Variants in CTNNA3 observed in about 807,000 individuals in gnomAD.
CTNNA3 encodes the protein catenin alpha-3.
Under a neutral mutation model 95.7 loss-of-function variants are expected in CTNNA3, and 76 were observed. The ratio of observed to expected loss-of-function variants is 0.79; its 90% CI spans 0.66 to 0.96. The LOEUF (loss-of-function observed/expected upper bound fraction) is 0.96, where lower values mean the gene tolerates loss of function less well. Ranked by LOEUF, CTNNA3 falls within the 40% of genes least tolerant of loss-of-function variation. The pLI, the probability that CTNNA3 is intolerant of heterozygous loss-of-function variation, is 0.00. For synonymous variants in CTNNA3, 431 were observed against 374.4 expected, an observed-to-expected ratio of 1.15 and a Z score of -1.74; for missense variants, 1,191 against 1,089.8, an observed-to-expected ratio of 1.09 and a Z score of -1.31.
At chr10:66,170,729 A>C (rs993910594) in intron 13 of CTNNA3, among the ~76,000 whole-genome samples, 27 of 55,620 alleles carry the variant, frequency 4.9e-4, no homozygotes, top group South Asian at 2.0e-3. Flanking sequence ...TGTTTACCCA[A>C]AAAAAAAAAA....
chr10:66,255,991 C>T (rs947325151), intron 13 of CTNNA3, among the ~76,000 whole-genome samples: 4 of 152,114 alleles, frequency 2.6e-5, no homozygotes, highest in Non-Finnish European at 2.9e-5. Context: ...AACTCATGCT[C>T]GTAATCCTAA....
chr10:66,277,808 T>G (rs968760068), intron 13 of CTNNA3, among the ~76,000 whole-genome samples: 2 of 151,918 alleles, frequency 1.3e-5, no homozygotes, highest in African/African-American at 4.8e-5. Flanking sequence ...GACCATAAAG[T>G]GTACTTAAAG....
intron 7 of CTNNA3, among the ~76,000 whole-genome samples, chr10:66,782,429 A>C (rs746918909): frequency 1.3e-4 from 20 of 152,100 alleles, no homozygotes; most frequent in Middle Eastern, 3.3e-3. Context: ...CTTAATTCAT[A>C]ATCTGAGACT....
At chr10:67,441,055 A>G (rs1266996309) in intron 5 of CTNNA3, among the ~76,000 whole-genome samples, 1 of 152,156 alleles carries the variant, frequency 6.6e-6, no homozygotes, top group Non-Finnish European at 1.5e-5. Context: ...ATTCAAGATA[A>G]CATGGAGAAG....
At chr10:67,617,210 A>G (rs916664962) in intron 2 of CTNNA3, among the ~76,000 whole-genome samples, 3 of 152,170 alleles carry the variant, frequency 2.0e-5, no homozygotes, top group Non-Finnish European at 2.9e-5. Context: ...TTCATCACCC[A>G]GGTATGAAGC....
intron 12 of CTNNA3, among the ~76,000 whole-genome samples, chr10:66,334,001 T>G (rs1463877119): frequency 2.0e-5 from 3 of 152,114 alleles, no homozygotes; most frequent in Admixed American, 6.5e-5. Flanking sequence ...CTTTATCTCT[T>G]TTGATCTTTG....
chr10:66,458,009 T>C (rs1203911193), intron 11 of CTNNA3, among the ~76,000 whole-genome samples: 1 of 152,142 alleles, frequency 6.6e-6, no homozygotes, highest in East Asian at 1.9e-4. Context: ...TCAGAGCATT[T>C]TACCAAAACT....
At chr10:66,094,550 C>G (rs969383063) in intron 14 of CTNNA3, among the ~76,000 whole-genome samples, 1 of 151,980 alleles carries the variant, frequency 6.6e-6, no homozygotes, top group Non-Finnish European at 1.5e-5. Flanking sequence ...AAGGAGGGAC[C>G]AAGATGGCAT....
Position 66,189,617 on chromosome 10 carries a change from T to TATATATATATAC in CTNNA3, c.1885-86369_1885-86368insGTATATATATAT, listed in dbSNP as rs151078010. On this transcript the variant is annotated intron_variant, in intron 13 of 17. Coordinates refer to ENST00000433211, the MANE Select transcript of CTNNA3 (RefSeq NM_013266.4). ...CTATAGATTTATATATATATATATATACACACATACACACACATATACATA... is the reference window on the plus strand; with the variant it reads ...CTATAGATTTATATATATATATATATATATATATATACACACACATACACACACATATACATA... Among the ~76,000 whole-genome samples, 455 of 140,356 alleles carry TATATATATATAC rather than the reference T, an allele frequency of 3.2e-3. 14 individuals are homozygous for TATATATATATAC. In the East Asian group the frequency reaches 0.042, roughly 13 times the overall value. 92.1% of individuals were successfully genotyped at this position (140,356 alleles called of 152,430 possible). A position where few individuals can be genotyped will look rare whatever the true frequency, so the allele number is the denominator to read the frequency against.
At chr10:67,379,970 G>A (rs183474295) in intron 5 of CTNNA3, among the ~76,000 whole-genome samples, 254 of 138,726 alleles carry the variant, frequency 1.8e-3, no homozygotes, top group South Asian at 0.014. Context: ...GCAGTGAGCC[G>A]AGATCCCGCC....
chr10:66,012,104 T>G (rs551458686), intron 15 of CTNNA3, among the ~76,000 whole-genome samples: 13 of 152,304 alleles, frequency 8.5e-5, no homozygotes, highest in African/African-American at 2.9e-4. Context: ...TTCATTAAAT[T>G]TATTTATAGT....
chr10:66,103,219 G>A lies in CTNNA3; in HGVS notation c.1915C>T (p.Leu639Phe). ...CTGCGGACCTCGTGTTCCTCTTCAA[G>A]GTCAGAAACATCCTCCAGTTCCTCT... ...TPEELEDVSD[L>F]EEEHEVRSHT... Residue 639 changes from leucine (L) to phenylalanine (F), a missense_variant, in exon 14 of 18, where the codon CTT becomes TTT. By Grantham distance (22) the Leu-to-Phe change is conservative. Transcript: ENST00000433211. The A allele has an allele frequency of 3.1e-6, 5 of 1,614,064 alleles. No individual in the cohort carries two copies. Among genetic ancestry groups the A allele is most frequent in the South Asian group, 1.1e-5 (1 of 91,078 alleles).
At chr10:67,129,834 G>A (rs1382227169) in intron 7 of CTNNA3, among the ~76,000 whole-genome samples, 1 of 152,060 alleles carries the variant, frequency 6.6e-6, no homozygotes, top group Non-Finnish European at 1.5e-5. Context: ...GTCAATCACT[G>A]TGCTACTGAA....
At chr10:66,851,374 C>A (rs963993421) in intron 7 of CTNNA3, among the ~76,000 whole-genome samples, 2 of 152,044 alleles carry the variant, frequency 1.3e-5, no homozygotes, top group Non-Finnish European at 2.9e-5. Flanking sequence ...GACTCACAAA[C>A]CTGAAAAACG....
intron 4 of CTNNA3, among the ~76,000 whole-genome samples, chr10:67,529,527 G>C (rs1209725969): frequency 6.6e-6 from 1 of 150,478 alleles, no homozygotes; most frequent in South Asian, 2.1e-4. Context: ...AGCTTTAGGA[G>C]ATATACCTAA....
intron 7 of CTNNA3, among the ~76,000 whole-genome samples, chr10:66,967,829 C>T (rs147345928): frequency 2.0e-5 from 3 of 151,892 alleles, no homozygotes; most frequent in Non-Finnish European, 4.4e-5. Context: ...TATATCCCCT[C>T]GAAAGGTTCA....
At chr10:66,386,955 T>C (rs181867587) in intron 11 of CTNNA3, among the ~76,000 whole-genome samples, 318 of 152,264 alleles carry the variant, frequency 2.1e-3, no homozygotes, top group African/African-American at 7.3e-3. Flanking sequence ...TCAAGATGGA[T>C]TAAAGACTTA....
rs1186099205 is a variant in CTNNA3 at position 66,520,828 on chromosome 10, G to T, written c.1375-55C>A. On this transcript the variant is annotated intron_variant, in intron 10 of 17. Coordinates refer to ENST00000433211, the MANE Select transcript of CTNNA3 (RefSeq NM_013266.4). ...TATTGGTTGCAATGTTCACTATTTG[G>T]GTGATGGGCACACTAAAAGCCCACA... 2.3e-5 allele frequency: 32 copies of T among 1,392,886 alleles called. No homozygotes were observed. The Middle Eastern group carries it at 5.6e-4, about 25-fold the overall frequency. 86.3% of individuals were successfully genotyped at this position (1,392,886 alleles called of 1,614,324 possible).
At chr10:66,273,436 C>T (rs144727447) in intron 13 of CTNNA3, among the ~76,000 whole-genome samples, 8 of 152,256 alleles carry the variant, frequency 5.3e-5, no homozygotes, top group African/African-American at 1.9e-4. Context: ...TATTATCAGA[C>T]AGTGGTTGAC....
Sources: allele counts gnomAD v4.1 joint callset (sites outside exome capture counted in the v4.1 genomes callset), GRCh38; gene constraint gnomAD v4.1.1; transcripts MANE v1.5; gene names NCBI Gene and HGNC (gene_info 2026-07-23, HGNC 2026-07-21).